Variants in STARD13 observed in about 807,000 individuals in gnomAD.
STARD13 encodes the protein stAR-related lipid transfer protein 13.
Under a neutral mutation model 106.4 loss-of-function variants are expected in STARD13, and 62 were observed. That is an observed-to-expected ratio of 0.58 (90% CI 0.48 to 0.72). STARD13 has a LOEUF of 0.72. Ranked by LOEUF, STARD13 falls within the 30% of genes least tolerant of loss-of-function variation. The probability of loss-of-function intolerance (pLI) is 0.00; values close to 1 mark genes in which losing one functional copy is unlikely to be tolerated. For synonymous variants in STARD13, 565 were observed against 553.0 expected, an observed-to-expected ratio of 1.02 and a Z score of -0.31; for missense variants, 1,387 against 1,424.0, an observed-to-expected ratio of 0.97 and a Z score of 0.42.
the STARD13 span, among the ~76,000 whole-genome samples, chr13:33,362,745 A>G: frequency 6.6e-6 from 1 of 152,202 alleles, no homozygotes; most frequent in South Asian, 2.1e-4. Flanking sequence ...AAACTTCACT[A>G]AACTCTGACC....
At chr13:33,453,003 T>G in the STARD13 span, among the ~76,000 whole-genome samples, 3 of 152,226 alleles carry the variant, frequency 2.0e-5, no homozygotes, top group Non-Finnish European at 4.4e-5. Context: ...TAGGTGTGCA[T>G]AGCAAGAAAT....
intron 1 of STARD13, among the ~76,000 whole-genome samples, chr13:33,238,477 G>A (rs551252642): frequency 6.6e-6 from 1 of 152,210 alleles, no homozygotes; most frequent in East Asian, 1.9e-4. Flanking sequence ...AAGCAGCATA[G>A]ACTTAAAAGT....
chr13:33,668,686 A>G, the STARD13 span, among the ~76,000 whole-genome samples: 7 of 152,164 alleles, frequency 4.6e-5, no homozygotes, highest in Non-Finnish European at 1.0e-4. Flanking sequence ...GCTCACCGCT[A>G]GTTCTTCACC....
At chr13:33,310,550 T>A (rs1213118982) in intron 1 of STARD13, among the ~76,000 whole-genome samples, 2 of 152,140 alleles carry the variant, frequency 1.3e-5, no homozygotes, top group Non-Finnish European at 2.9e-5. Flanking sequence ...TATAAAAAAA[T>A]AACAAACTAA....
At chr13:33,121,236 T>C (rs932780259) in intron 7 of STARD13, among the ~76,000 whole-genome samples, 1 of 152,210 alleles carries the variant, frequency 6.6e-6, no homozygotes, top group African/African-American at 2.4e-5. Context: ...AAAAACACTG[T>C]GACGGCAACG....
intron 1 of STARD13, among the ~76,000 whole-genome samples, chr13:33,264,324 A>G (rs1458398651): frequency 2.0e-5 from 3 of 152,194 alleles, no homozygotes; most frequent in Non-Finnish European, 2.9e-5. Context: ...TAAGTTTGGG[A>G]CAGTTTGTTA....
At chr13:33,198,229 G>A (rs926308541) in intron 1 of STARD13, among the ~76,000 whole-genome samples, 1 of 152,124 alleles carries the variant, frequency 6.6e-6, no homozygotes, top group Non-Finnish European at 1.5e-5. Flanking sequence ...AGCCATCCAG[G>A]AAAAAAATCT....
At chr13:33,593,947 C>T in the STARD13 span, among the ~76,000 whole-genome samples, 4 of 152,136 alleles carry the variant, frequency 2.6e-5, no homozygotes. Context: ...TGCTCTGTCG[C>T]TCAGGCTGGA....
At chr13:33,285,830 A>C, upstream of STARD13, 9 of 1,309,272 alleles carry the variant, frequency 6.9e-6, no homozygotes, top group East Asian at 2.8e-5. Context: ...TCGGGAACCA[A>C]TGAGAGGAAG....
the STARD13 span, among the ~76,000 whole-genome samples, chr13:33,414,357 A>G: frequency 6.6e-6 from 1 of 152,182 alleles, no homozygotes; most frequent in African/African-American, 2.4e-5. Context: ...TATTTTTAGC[A>G]GCTTTATTGA....
At chr13:33,589,264 A>G in the STARD13 span, among the ~76,000 whole-genome samples, 4 of 152,010 alleles carry the variant, frequency 2.6e-5, no homozygotes, top group South Asian at 2.1e-4. Flanking sequence ...GGATTCATTG[A>G]TTTTTTGAAG....
Position 33,285,681 on chromosome 13 carries a change from T to C in STARD13, c.-43A>G, listed in dbSNP as rs763199586. The C allele has an allele frequency of 1.2e-6, 2 of 1,604,218 alleles. No individual in the cohort carries two copies. Among genetic ancestry groups the C allele is most frequent in the Non-Finnish European group, 1.7e-6 (2 of 1,176,290 alleles). On this transcript the variant is annotated 5_prime_UTR_variant, in exon 1 of 14. Transcript: ENST00000336934. ...TGCCACCTCAGTCTGCCTGTGGCTGTTGCCGTCTGTCTCCAGTCTCAGTCA... is the reference window on the plus strand; with the variant it reads ...TGCCACCTCAGTCTGCCTGTGGCTGCTGCCGTCTGTCTCCAGTCTCAGTCA...
intron 1 of STARD13, among the ~76,000 whole-genome samples, chr13:33,189,606 A>G (rs979225474): frequency 2.0e-5 from 3 of 151,838 alleles, no homozygotes; most frequent in Admixed American, 6.6e-5. Context: ...CCCTCCCACA[A>G]AGAAGGAACC....
At chr13:33,356,334 T>C in the STARD13 span, among the ~76,000 whole-genome samples, 1 of 152,242 alleles carries the variant, frequency 6.6e-6, no homozygotes, top group Non-Finnish European at 1.5e-5. Flanking sequence ...TTAGTATACA[T>C]AGAGTAGTTT....
the STARD13 span, among the ~76,000 whole-genome samples, chr13:33,399,408 C>T: frequency 6.6e-6 from 1 of 151,962 alleles, no homozygotes; most frequent in Non-Finnish European, 1.5e-5. Context: ...ATCTCTAAAG[C>T]ATTAGGCCAG....
chr13:33,118,076 T>C lies in STARD13; in HGVS notation c.2270A>G (p.His757Arg), dbSNP rs753951894. Residue 757 changes from histidine (H) to arginine (R), a missense_variant, in exon 8 of 14, where the codon CAT (histidine) becomes CGT (arginine). Coordinates refer to ENST00000336934, the MANE Select transcript of STARD13 (RefSeq NM_178006.4). Reference sequence around the variant, plus strand: ...TTATTTCCACTTACACTGATAGATATGGAGAAAGGTCTCACTGAGCTTGTT... The same window carrying C: ...TTATTTCCACTTACACTGATAGATACGGAGAAAGGTCTCACTGAGCTTGTT... ...FTNKLSETFL[H>R]IYQYVSKEQR... 3.1e-6 allele frequency: 5 copies of C among 1,614,170 alleles called. No individual in the cohort carries two copies. Among genetic ancestry groups the C allele is most frequent in the Admixed American group, 1.7e-5 (1 of 60,014 alleles).
At chr13:33,268,483 A>C (rs1891011281) in intron 1 of STARD13, among the ~76,000 whole-genome samples, 1 of 152,206 alleles carries the variant, frequency 6.6e-6, no homozygotes, top group Non-Finnish European at 1.5e-5. Flanking sequence ...GGGCTCTGTG[A>C]TAAGCACTTT....
intron 1 of STARD13, among the ~76,000 whole-genome samples, chr13:33,302,656 C>T (rs1594238840): frequency 1.3e-5 from 2 of 152,292 alleles, no homozygotes; most frequent in Non-Finnish European, 2.9e-5. Flanking sequence ...ATCCTCCCAC[C>T]TCGGCCTCCC....
the STARD13 span, among the ~76,000 whole-genome samples, chr13:33,387,514 C>G: frequency 9.2e-5 from 14 of 152,170 alleles, no homozygotes; most frequent in Admixed American, 1.3e-4. Context: ...CTCCCCTGTA[C>G]TGCCCAGTCT....
Sources: allele counts gnomAD v4.1 joint callset (sites outside exome capture counted in the v4.1 genomes callset), GRCh38; gene constraint gnomAD v4.1.1; transcripts MANE v1.5; gene names NCBI Gene and HGNC (gene_info 2026-07-23, HGNC 2026-07-21).